The following GPC6 variants were observed in gnomAD, a reference collection of about 807,000 sequenced individuals.
GPC6 encodes glypican-6.
Under a neutral mutation model 55.2 loss-of-function variants are expected in GPC6, and 14 were observed. The observed-to-expected ratio is 0.25, with a 90% CI of 0.17 to 0.40. GPC6 has a LOEUF of 0.40. GPC6 is among the 10% of genes least tolerant of loss of function. GPC6 has a pLI of 1.00. For missense variants in GPC6, 641 were observed against 708.5 expected (o/e 0.90, Z 1.08); for synonymous variants, 278 against 259.6 (o/e 1.07, Z -0.68).
chr13:93,840,923 G>A (rs572003631), intron 3 of GPC6, among the ~76,000 whole-genome samples: 3 of 152,244 alleles, frequency 2.0e-5, no homozygotes, highest in South Asian at 4.1e-4. Flanking sequence ...TGAACCTGAC[G>A]TTTATCCCAG....
At chr13:94,401,347 G>A (rs539128438) in intron 8 of GPC6, among the ~76,000 whole-genome samples, 5 of 152,252 alleles carry the variant, frequency 3.3e-5, no homozygotes, top group African/African-American at 9.6e-5. Context: ...CCACCTCCAA[G>A]CGGTGAAAAG....
intron 3 of GPC6, among the ~76,000 whole-genome samples, chr13:93,862,414 G>A (rs567864075): frequency 1.3e-5 from 2 of 151,506 alleles, no homozygotes; most frequent in East Asian, 2.0e-4. Flanking sequence ...GGGTTACATC[G>A]GGGGCTACTG....
At chr13:94,185,506 A>T (rs980812236) in intron 4 of GPC6, among the ~76,000 whole-genome samples, 1 of 151,742 alleles carries the variant, frequency 6.6e-6, no homozygotes, top group Non-Finnish European at 1.5e-5. Context: ...CATATATTAT[A>T]TATATGAATA....
At chr13:93,756,414 A>C (rs1025383070) in intron 2 of GPC6, among the ~76,000 whole-genome samples, 7 of 152,184 alleles carry the variant, frequency 4.6e-5, no homozygotes, top group Non-Finnish European at 8.8e-5. Context: ...ACTTCCGGAC[A>C]TGCTGGTCAG....
intron 1 of GPC6, among the ~76,000 whole-genome samples, chr13:93,501,959 G>C (rs552758720): frequency 2.4e-4 from 36 of 152,198 alleles, no homozygotes; most frequent in African/African-American, 8.7e-4. Context: ...GTAGAATGTA[G>C]AATAGTATAT....
At chr13:93,765,500 G>T (rs1376555319) in intron 2 of GPC6, among the ~76,000 whole-genome samples, 2 of 151,882 alleles carry the variant, frequency 1.3e-5, no homozygotes, top group Non-Finnish European at 2.9e-5. Context: ...TAAAAAAAAT[G>T]AGATGAGTTT....
intron 4 of GPC6, among the ~76,000 whole-genome samples, chr13:94,108,169 A>G (rs1421348333): frequency 1.3e-5 from 2 of 152,198 alleles, no homozygotes; most frequent in Non-Finnish European, 2.9e-5. Flanking sequence ...TGGATGAAGA[A>G]ACTGTGGTAT....
chr13:94,042,094 G>T (rs1883559727), intron 4 of GPC6, among the ~76,000 whole-genome samples: 1 of 151,816 alleles, frequency 6.6e-6, no homozygotes, highest in South Asian at 2.1e-4. Flanking sequence ...CTGTCGTCAT[G>T]ATAGTGAGTG....
chr13:93,817,805 C>A (rs1297626929), intron 2 of GPC6, among the ~76,000 whole-genome samples: 2 of 151,700 alleles, frequency 1.3e-5, no homozygotes, highest in African/African-American at 4.8e-5. Context: ...GGTTGCAGAG[C>A]CGAGATGGTG....
intron 6 of GPC6, among the ~76,000 whole-genome samples, chr13:94,333,463 G>A (rs752068328): frequency 2.4e-4 from 36 of 152,250 alleles, no homozygotes; most frequent in Admixed American, 5.2e-4. Flanking sequence ...TTTAGAAGAG[G>A]TACAGTTCCT....
intron 3 of GPC6, among the ~76,000 whole-genome samples, chr13:93,914,240 C>T (rs1052902703): frequency 2.5e-4 from 38 of 152,108 alleles, no homozygotes; most frequent in Admixed American, 5.9e-4. Context: ...CAACAGGCCC[C>T]GGTGTGTGAT....
At chr13:93,844,615 G>C (rs1888101679) in intron 3 of GPC6, among the ~76,000 whole-genome samples, 1 of 149,424 alleles carries the variant, frequency 6.7e-6, no homozygotes, top group Admixed American at 6.7e-5. Flanking sequence ...TCTGATGGTA[G>C]TTTCTTTTGC....
At chr13:94,042,505 G>C (rs1355897116) in intron 4 of GPC6, among the ~76,000 whole-genome samples, 1 of 151,778 alleles carries the variant, frequency 6.6e-6, no homozygotes, top group African/African-American at 2.4e-5. Flanking sequence ...GCCTGTAGAT[G>C]TCATGTCTCC....
At chr13:93,786,436 A>C (rs1594455895) in intron 2 of GPC6, among the ~76,000 whole-genome samples, 1 of 152,312 alleles carries the variant, frequency 6.6e-6, no homozygotes, top group Non-Finnish European at 1.5e-5. Flanking sequence ...TAAGTATAAA[A>C]ATAACATATT....
At position 94,038,966 on chromosome 13, in the gene GPC6, G is replaced by C. The variant is rs1883433285; in HGVS notation, c.877+11072G>C. 2.0e-5 allele frequency among the ~76,000 whole-genome samples: 3 copies of C among 151,912 alleles called. No individual in the cohort carries two copies. In the South Asian group the frequency reaches 6.2e-4, roughly 31 times the overall value. ...ATCAAGCAAGCTTCTTCTTATCCCT[G>C]TTTCTGGATTTGCCTTAGTTCCTGA... On this transcript the variant is annotated intron_variant, in intron 4 of 8. Coordinates refer to ENST00000377047, the MANE Select transcript of GPC6 (RefSeq NM_005708.5).
At chr13:93,676,154 TATATATATATATATACATACAC>T (rs1448194804) in intron 2 of GPC6, among the ~76,000 whole-genome samples, 1,726 of 17,570 alleles carry the variant, frequency 0.098, 72 homozygotes, top group African/African-American at 0.14. Context: ...TATATATATA[TATATATATATATATACATACAC>T]ACACACACAC....
the GPC6 span, among the ~76,000 whole-genome samples, chr13:93,220,751 A>G: frequency 1.1e-4 from 17 of 152,356 alleles, no homozygotes; most frequent in East Asian, 3.1e-3. Flanking sequence ...AATTTTTGAA[A>G]GTAAATATTT....
intron 6 of GPC6, among the ~76,000 whole-genome samples, chr13:94,358,470 A>G (rs1878906614): frequency 6.6e-6 from 1 of 152,212 alleles, no homozygotes; most frequent in South Asian, 2.1e-4. Flanking sequence ...AAAGATGGAT[A>G]TAAAAAGCTA....
At chr13:94,300,777 G>C (rs901548519) in intron 5 of GPC6, among the ~76,000 whole-genome samples, 13 of 152,162 alleles carry the variant, frequency 8.5e-5, no homozygotes, top group African/African-American at 4.8e-5. Flanking sequence ...TTTCTTAAAG[G>C]GGTAGAGCGA....
Sources: allele counts gnomAD v4.1 joint callset (sites outside exome capture counted in the v4.1 genomes callset), GRCh38; gene constraint gnomAD v4.1.1; transcripts MANE v1.5; gene names NCBI Gene and HGNC (gene_info 2026-07-23, HGNC 2026-07-21).